SORT1: variants seen among roughly 807,000 people sequenced by gnomAD.
SORT1 encodes sortilin.
A neutral mutation model predicts 101.7 loss-of-function variants in SORT1; 39 were observed. The ratio of observed to expected loss-of-function variants is 0.38; its 90% CI spans 0.30 to 0.50. The LOEUF is 0.50. Among genes scored for constraint, SORT1 ranks in the 20% least tolerant of loss-of-function variants. SORT1 has a pLI of 0.90. For missense variants in SORT1, 878 were observed against 1,040.4 expected, an observed-to-expected ratio of 0.84 and a Z score of 2.15; for synonymous variants, 396 against 393.7, an observed-to-expected ratio of 1.01 and a Z score of -0.07.
intron 1 of SORT1, among the ~76,000 whole-genome samples, chr1:109,395,174 A>G (rs903150661): frequency 2.0e-5 from 3 of 149,526 alleles, no homozygotes; most frequent in Non-Finnish European, 3.0e-5. Flanking sequence ...AGATCTCTGA[A>G]GAAGAGACCA....
At chr1:109,326,115 C>A (rs1158647242) in intron 13 of SORT1, among the ~76,000 whole-genome samples, 2 of 147,252 alleles carry the variant, frequency 1.4e-5, no homozygotes, top group African/African-American at 5.0e-5. Flanking sequence ...TGCAGTGGTA[C>A]GATCTCAGCT....
At chr1:109,320,152 T>A (rs1048458029) in intron 15 of SORT1, among the ~76,000 whole-genome samples, 1 of 152,152 alleles carries the variant, frequency 6.6e-6, no homozygotes, top group African/African-American at 2.4e-5. Flanking sequence ...ATTCTCTTAC[T>A]TTTTCTCTAT....
rs1173702427 is a variant in SORT1, at chr1:109,327,557, C to A, written c.1416G>T (p.Leu472=). Residue 472 remains leucine (L), a synonymous_variant, in exon 12 of 20, where the codon CTG becomes CTT. Coordinates refer to ENST00000256637, the MANE Select transcript of SORT1 (RefSeq NM_002959.7). Reference sequence around the variant, plus strand: ...CTGAGAGTGGGGCCATTGGAACATTCAGTTTCTGGGAGATGCTGTAGGAAG... The same window carrying A: ...CTGAGAGTGGGGCCATTGGAACATTAAGTTTCTGGGAGATGCTGTAGGAAG... The part of the protein sequence containing the change: ...IHASYSISQK[L]NVPMAPLSEP... The A allele has an allele frequency of 6.2e-7, 1 of 1,612,058 alleles. No homozygotes were observed. Among genetic ancestry groups the A allele is most frequent in the Non-Finnish European group, 8.5e-7 (1 of 1,179,420 alleles).
At chr1:109,357,050 GGTGA>G (rs1650372258) in intron 3 of SORT1, among the ~76,000 whole-genome samples, 1 of 152,156 alleles carries the variant, frequency 6.6e-6, no homozygotes, top group Non-Finnish European at 1.5e-5. Flanking sequence ...TTTATATGAT[GGTGA>G]GTCCAGATTA....
intron 1 of SORT1, among the ~76,000 whole-genome samples, chr1:109,394,068 G>C (rs1047541736): frequency 6.6e-6 from 1 of 152,138 alleles, no homozygotes; most frequent in Non-Finnish European, 1.5e-5. Flanking sequence ...AGGCAGTCCA[G>C]ATAAGGCAGT....
At chr1:109,367,879 G>A (rs1651196174) in intron 2 of SORT1, among the ~76,000 whole-genome samples, 1 of 152,084 alleles carries the variant, frequency 6.6e-6, no homozygotes. Context: ...TCTTCTCCTT[G>A]CCGTTGGTTC....
chr1:109,379,093 A>C (rs897669642), intron 1 of SORT1, among the ~76,000 whole-genome samples: 1 of 151,744 alleles, frequency 6.6e-6, no homozygotes, highest in Non-Finnish European at 1.5e-5. Flanking sequence ...CAGTGAGCCG[A>C]GACTGCGCCA....
At chr1:109,369,196 C>T (rs1246480545) in intron 2 of SORT1, among the ~76,000 whole-genome samples, 1 of 152,298 alleles carries the variant, frequency 6.6e-6, no homozygotes, top group African/African-American at 2.4e-5. Context: ...GTGGTGGGTG[C>T]CTGTAATCCC....
Position 109,310,877 on chromosome 1 carries a change from G to A in SORT1, c.*3166C>T, listed in dbSNP as rs902232524. The stretch of plus-strand genomic sequence containing the variant: ...ACCAGCTCTGGTTTACAGACTCGAT[G>A]CAGGAGCTGGAGGTGGCCAGCACAT... On this transcript the variant is annotated 3_prime_UTR_variant, in exon 20 of 20. Transcript: ENST00000256637. 1 of 152,248 alleles carries A rather than the reference G, an allele frequency of 6.6e-6. No homozygotes were observed. Among genetic ancestry groups the A allele is most frequent in the Admixed American group, 6.5e-5 (1 of 15,286 alleles). 9.4% of individuals were successfully genotyped at this position (152,248 alleles called of 1,614,324 possible).
chr1:109,394,213 A>C (rs1020448924), intron 1 of SORT1, among the ~76,000 whole-genome samples: 2 of 152,122 alleles, frequency 1.3e-5, no homozygotes, highest in Admixed American at 6.6e-5. Context: ...AGTAATAGCC[A>C]GTATTTTTTA....
In SORT1 at chr1:109,314,778, T is replaced by G; in HGVS notation, c.2251A>C (p.Asn751His). 6.3e-7 allele frequency: 1 copy of G among 1,582,628 alleles called. No individual in the cohort carries two copies. ...ATTGGAACAGAATTTGACTTGGAATTCTTGAGAAATTAAAACACAAACACA... is the reference window on the plus strand; with the variant it reads ...ATTGGAACAGAATTTGACTTGGAATGCTTGAGAAATTAAAACACAAACACA... ...TSNFLSPEKQNSKSNSVPIIL... is the reference protein window; with the variant it reads ...TSNFLSPEKQHSKSNSVPIIL... The change falls in exon 18 of 20, where the codon AAT becomes CAT. Residue 751 changes from asparagine to histidine, a missense_variant and splice_region_variant. Transcript: ENST00000256637.
chr1:109,355,558 C>A lies in SORT1; in HGVS notation c.441-89G>T, dbSNP rs1298084503. Reference sequence around the variant, plus strand: ...CTCAGCTTTCATTCTCCCTTTCCACCAATCATGCTGAGAGACTCGGCTCAC... The same window carrying A: ...CTCAGCTTTCATTCTCCCTTTCCACAAATCATGCTGAGAGACTCGGCTCAC... On this transcript the variant is annotated intron_variant, in intron 3 of 19. Transcript: ENST00000256637. The A allele has an allele frequency of 1.9e-5, 13 of 680,114 alleles. No homozygotes were observed. The Admixed American group carries it at 2.5e-4, about 13-fold the overall frequency. 42.1% of individuals were successfully genotyped at this position (680,114 alleles called of 1,614,324 possible).
chr1:109,329,099 C>G, intron 11 of SORT1, among the ~76,000 whole-genome samples: 1 of 152,170 alleles, frequency 6.6e-6, no homozygotes, highest in East Asian at 1.9e-4. Flanking sequence ...CAGTTGCCCC[C>G]CCAAGAATCT....
intron 17 of SORT1, among the ~76,000 whole-genome samples, chr1:109,315,671 A>ATCAAGAGG (rs1481218552): frequency 6.6e-6 from 1 of 151,422 alleles, no homozygotes; most frequent in Non-Finnish European, 1.5e-5. Context: ...GTGTTTCATT[A>ATCAAGAGG]TCAAGAGGTT....
intron 1 of SORT1, among the ~76,000 whole-genome samples, chr1:109,374,212 G>T (rs1651670725): frequency 6.6e-6 from 1 of 152,182 alleles, no homozygotes; most frequent in African/African-American, 2.4e-5. Context: ...TGCAACAGTT[G>T]TAACTGTACT....
At chr1:109,373,325 A>C (rs1156827385) in intron 1 of SORT1, among the ~76,000 whole-genome samples, 1 of 152,168 alleles carries the variant, frequency 6.6e-6, no homozygotes, top group Non-Finnish European at 1.5e-5. Flanking sequence ...TTCACAGGGC[A>C]GAAGATTAGA....
At chr1:109,320,835 G>C (rs930717871) in intron 15 of SORT1, among the ~76,000 whole-genome samples, 1 of 152,196 alleles carries the variant, frequency 6.6e-6, no homozygotes, top group African/African-American at 2.4e-5. Context: ...TTAGGAGAGA[G>C]GGTATGGAGA....
chr1:109,371,117 C>T (rs748877427), intron 1 of SORT1, among the ~76,000 whole-genome samples: 6 of 152,188 alleles, frequency 3.9e-5, no homozygotes, highest in Non-Finnish European at 8.8e-5. Context: ...CAGTGCCTCA[C>T]GCAGGTCTTG....
At chr1:109,345,420 C>G (rs1267509953) in intron 8 of SORT1, among the ~76,000 whole-genome samples, 1 of 151,844 alleles carries the variant, frequency 6.6e-6, no homozygotes, top group African/African-American at 2.4e-5. Flanking sequence ...GAGGTTGAGG[C>G]AGGTGAATTG....
Sources: gnomAD v4.1 joint callset for allele counts (sites outside exome capture counted in the v4.1 genomes callset) on GRCh38, gnomAD v4.1.1 for gene constraint, MANE v1.5 for transcripts, NCBI Gene and HGNC (gene_info 2026-07-23, HGNC 2026-07-21) for gene names.